The following PAPPA variants were observed in gnomAD, a reference collection of about 807,000 sequenced individuals.
PAPPA encodes the protein pappalysin 1.
In PAPPA, 60 loss-of-function variants were observed where a neutral mutation model predicts 164.0. The ratio of observed to expected loss-of-function variants is 0.37; its 90% CI spans 0.30 to 0.45. The LOEUF is 0.45. PAPPA is among the 20% of genes least tolerant of loss of function. The pLI is 1.00. For synonymous variants in PAPPA, 875 were observed against 814.1 expected (o/e 1.07, Z -1.27); for missense variants, 1,782 against 2,087.3 (o/e 0.85, Z 2.85).
chr9:116,216,050 T>C (rs1021141355), intron 4 of PAPPA, among the ~76,000 whole-genome samples: 4 of 152,208 alleles, frequency 2.6e-5, no homozygotes, highest in African/African-American at 9.7e-5. Flanking sequence ...TGTAACATTT[T>C]GACATATTCC....
chr9:116,303,092 T>C, intron 10 of PAPPA, 142 bp downstream of exon 10: 2 of 613,160 alleles, frequency 3.3e-6, no homozygotes, highest in Non-Finnish European at 5.6e-6. Flanking sequence ...TAGGGCTTCA[T>C]GAATACCATT....
chr9:116,220,465 CA>C (rs2118706352), intron 5 of PAPPA, among the ~76,000 whole-genome samples: 1 of 148,860 alleles, frequency 6.7e-6, no homozygotes, highest in East Asian at 2.0e-4. Flanking sequence ...ATTGCCTGGG[CA>C]AAAACATTTA....
At chr9:116,224,533 A>G (rs186993905) in intron 5 of PAPPA, among the ~76,000 whole-genome samples, 6 of 152,342 alleles carry the variant, frequency 3.9e-5, no homozygotes, top group African/African-American at 1.2e-4. Context: ...GATGGTATAT[A>G]ATAAGTACTA....
chr9:116,298,547 C>A (rs1845538653), intron 9 of PAPPA, among the ~76,000 whole-genome samples: 1 of 152,178 alleles, frequency 6.6e-6, no homozygotes, highest in Admixed American at 6.5e-5. Flanking sequence ...ATCAGCTAGT[C>A]ACCACCTGGC....
chr9:116,385,747 A>AATGCAG (rs1846801598), intron 21 of PAPPA, among the ~76,000 whole-genome samples: 1 of 152,226 alleles, frequency 6.6e-6, no homozygotes, highest in South Asian at 2.1e-4. Flanking sequence ...GAGGGTGCAG[A>AATGCAG]ATGCAGATGG....
At chr9:116,335,155 T>C in intron 13 of PAPPA, 81 bp downstream of exon 13, 1 of 1,156,324 alleles carries the variant, frequency 8.6e-7, no homozygotes, top group Non-Finnish European at 1.3e-6. Context: ...GGTAGCCATT[T>C]GTGTGGATGT....
At chr9:116,267,881 CAAAAAAAAAAAAA>C (rs61670954) in intron 8 of PAPPA, among the ~76,000 whole-genome samples, 4 of 57,598 alleles carry the variant, frequency 6.9e-5, no homozygotes, top group East Asian at 9.6e-4. Flanking sequence ...GACTCCGTCT[CAAAAAAAAAAAAA>C]AAAAAAAAAA....
intron 17 of PAPPA, among the ~76,000 whole-genome samples, chr9:116,356,259 C>T (rs1476061291): frequency 6.6e-6 from 1 of 152,224 alleles, no homozygotes; most frequent in Non-Finnish European, 1.5e-5. Context: ...CGTTAAGCTT[C>T]ACTTTTCTTG....
intron 18 of PAPPA, among the ~76,000 whole-genome samples, chr9:116,366,156 A>G (rs557121178): frequency 1.7e-4 from 26 of 152,314 alleles, no homozygotes; most frequent in African/African-American, 6.0e-4. Flanking sequence ...AGGCCTAGTC[A>G]GATTCTGACA....
rs137972301 is a variant in PAPPA at position 116,176,309 on chromosome 9, T to C, written c.416-10845T>C. 2.1e-3 allele frequency among the ~76,000 whole-genome samples: 325 copies of C among 152,280 alleles called. 1 individual carries two copies. The highest frequency in any genetic ancestry group is 7.7e-3 in the African/African-American group (318 of 41,544). ...TCTGAGAGCATCAGAGAAAGAGGTT[T>C]GTCTGTTTGGGGGAATAGTGAAAAA... is the stretch of plus-strand genomic sequence containing the variant. On this transcript the variant is annotated intron_variant, in intron 1 of 21. Transcript: ENST00000328252.
chr9:116,386,956 A>G (rs1330846203), intron 21 of PAPPA, among the ~76,000 whole-genome samples: 1 of 151,994 alleles, frequency 6.6e-6, no homozygotes, highest in African/African-American at 2.4e-5. Flanking sequence ...AGAAGGAGAG[A>G]GGTTACTTTC....
chr9:116,231,766 C>CTTTTTTT (rs71377228), intron 6 of PAPPA, among the ~76,000 whole-genome samples: 1 of 57,540 alleles, frequency 1.7e-5, no homozygotes. Context: ...TTTTCTTTTT[C>CTTTTTTT]TTTTTTTTTT....
chr9:116,355,884 C>T (rs1366575621), intron 17 of PAPPA, among the ~76,000 whole-genome samples: 1 of 152,138 alleles, frequency 6.6e-6, no homozygotes, highest in Non-Finnish European at 1.5e-5. Context: ...ATACAATTGA[C>T]GTTTCTACTT....
At chr9:116,230,773 T>C (rs566785257) in intron 6 of PAPPA, among the ~76,000 whole-genome samples, 12 of 152,266 alleles carry the variant, frequency 7.9e-5, no homozygotes, top group African/African-American at 2.9e-4. Context: ...ATTTCATACA[T>C]GAATATTTTT....
intron 19 of PAPPA, among the ~76,000 whole-genome samples, chr9:116,369,745 GC>G (rs1014134243): frequency 6.6e-6 from 1 of 151,654 alleles, no homozygotes; most frequent in Non-Finnish European, 1.5e-5. Flanking sequence ...CCTGCAAGCT[GC>G]CCCCCCTCCC....
At chr9:116,264,738 A>G (rs1371410932) in intron 7 of PAPPA, among the ~76,000 whole-genome samples, 1 of 152,158 alleles carries the variant, frequency 6.6e-6, no homozygotes, top group Non-Finnish European at 1.5e-5. Context: ...TTCCCATGGT[A>G]CTTTGTTGTT....
chr9:116,217,312 T>C (rs946458510), intron 4 of PAPPA, among the ~76,000 whole-genome samples: 1 of 152,192 alleles, frequency 6.6e-6, no homozygotes, highest in African/African-American at 2.4e-5. Flanking sequence ...GGAGTTTATT[T>C]AAATGCCCCC....
intron 9 of PAPPA, among the ~76,000 whole-genome samples, chr9:116,282,775 A>C (rs1015549136): frequency 2.6e-5 from 4 of 152,200 alleles, no homozygotes; most frequent in African/African-American, 9.6e-5. Context: ...GATAATGAGA[A>C]GGGGAAACAA....
intron 3 of PAPPA, among the ~76,000 whole-genome samples, chr9:116,208,586 G>A (rs980991037): frequency 4.6e-5 from 7 of 152,118 alleles, no homozygotes; most frequent in Non-Finnish European, 7.3e-5. Flanking sequence ...AGAATGAATC[G>A]TGATGACTCA....
Sources: gnomAD v4.1 joint callset for allele counts (sites outside exome capture counted in the v4.1 genomes callset) on GRCh38, gnomAD v4.1.1 for gene constraint, MANE v1.5 for transcripts, NCBI Gene and HGNC (gene_info 2026-07-23, HGNC 2026-07-21) for gene names.